Variants in RPRD2 observed in about 807,000 individuals in gnomAD.
RPRD2 encodes regulation of nuclear pre-mRNA domain containing 2, also known as regulation of nuclear pre-mRNA domain-containing protein 2.
Under a neutral mutation model 104.4 loss-of-function variants are expected in RPRD2, and 12 were observed. That is an observed-to-expected ratio of 0.11 (90% CI 0.07 to 0.19). The LOEUF is 0.19. Ranked by LOEUF, RPRD2 falls within the 10% of genes least tolerant of loss-of-function variation. The pLI is 1.00. For synonymous variants in RPRD2, 714 were observed against 684.9 expected (o/e 1.04, Z -0.66); for missense variants, 1,543 against 1,790.1 (o/e 0.86, Z 2.49).
chr1:150,450,781 T>C (rs587617150), intron 7 of RPRD2, among the ~76,000 whole-genome samples: 2 of 151,704 alleles, frequency 1.3e-5, no homozygotes, highest in Non-Finnish European at 2.9e-5. Flanking sequence ...CCACCACTTT[T>C]TGTATTTTTA....
chr1:150,443,391 T>G, intron 5 of RPRD2, 108 bp downstream of exon 5: 1 of 823,626 alleles, frequency 1.2e-6, no homozygotes, highest in Non-Finnish European at 1.9e-6. Context: ...ACACATGTCA[T>G]GTTTTAAACA....
intron 7 of RPRD2, among the ~76,000 whole-genome samples, 178 bp from the exon 8 acceptor site, chr1:150,457,110 G>C (rs1304131607): frequency 6.6e-6 from 1 of 152,012 alleles, no homozygotes; most frequent in Non-Finnish European, 1.5e-5. Flanking sequence ...TGTGGATCCA[G>C]CTACTTGGAA....
chr1:150,469,131 G>A (rs1008109866), intron 10 of RPRD2, among the ~76,000 whole-genome samples: 3 of 152,064 alleles, frequency 2.0e-5, no homozygotes, highest in Admixed American at 1.3e-4. Flanking sequence ...GTTAGAATAT[G>A]GGTTAAAATT....
chr1:150,429,155 C>T (rs192741601), intron 2 of RPRD2, among the ~76,000 whole-genome samples: 4 of 148,786 alleles, frequency 2.7e-5, no homozygotes, highest in East Asian at 3.9e-4. Flanking sequence ...TGCAGTGGTG[C>T]GATCTCAGCT....
rs77936519 is a variant in RPRD2 at position 150,364,812 on chromosome 1, C to T, written c.98C>T (p.Ser33Leu). 6.2e-7 allele frequency: 1 copy of T among 1,613,850 alleles called. No homozygotes were observed. Among genetic ancestry groups the T allele is most frequent in the Non-Finnish European group, 8.5e-7 (1 of 1,179,804 alleles). Reference protein sequence around the residue: ...LESSLDRKFQSVTNTMESIQG... With the variant: ...LESSLDRKFQLVTNTMESIQG... ...TCCTCGTTGGATCGAAAATTCCAGT[C>T]GGTAACCAACACCATGGAGTCCATT... The change falls in exon 1 of 11, where the codon TCG (serine) becomes TTG (leucine). Residue 33 changes from serine to leucine, a missense_variant. Physicochemically the swap from Ser to Leu is moderately radical, Grantham distance 145. Around this residue, in one of 4 missense-constraint regions of RPRD2, gnomAD observed 88 missense variants for 96.6 expected, o/e 0.91. Coordinates refer to ENST00000369068, the MANE Select transcript of RPRD2 (RefSeq NM_015203.5).
intron 1 of RPRD2, among the ~76,000 whole-genome samples, chr1:150,388,840 C>T (rs4364918): frequency 1.3e-5 from 2 of 151,828 alleles, no homozygotes; most frequent in African/African-American, 2.4e-5. Flanking sequence ...CCCCTGACCT[C>T]GTGATCTGCC....
At position 150,471,700 on chromosome 1, in the gene RPRD2, G is replaced by C. The variant is rs766999499; in HGVS notation, c.2752G>C (p.Val918Leu). ...CCCTGGGCTATTTGGTGCCTTCAGCGTAAGAGGGAATGAACCTGGGTCTGA... is the reference window on the plus strand; with the variant it reads ...CCCTGGGCTATTTGGTGCCTTCAGCCTAAGAGGGAATGAACCTGGGTCTGA... ...SSPGLFGAFS[V>L]RGNEPGSDRS... The change falls in exon 11 of 11, where the codon GTA becomes CTA. Residue 918 changes from valine to leucine, a missense_variant. Physicochemically the swap from Val to Leu is conservative, Grantham distance 32. Transcript: ENST00000369068. The surrounding 1 kb of genome is among the most constrained non-coding windows in gnomAD (Gnocchi z 5.3). 6 of 1,613,844 alleles carry C rather than the reference G, an allele frequency of 3.7e-6. No individual in the cohort carries two copies. In the Admixed American group the frequency reaches 1.0e-4, roughly 27 times the overall value.
chr1:150,393,490 AC>A (rs1231932184), intron 1 of RPRD2, among the ~76,000 whole-genome samples: 20 of 152,010 alleles, frequency 1.3e-4, no homozygotes, highest in African/African-American at 4.6e-4. Context: ...AATAAAAAAA[AC>A]ATTGGGTGAA....
At chr1:150,377,301 C>T (rs1310298532) in intron 1 of RPRD2, among the ~76,000 whole-genome samples, 2 of 150,220 alleles carry the variant, frequency 1.3e-5, no homozygotes, top group African/African-American at 4.9e-5. Context: ...TTATAAGGAA[C>T]TTAACATTTA....
chr1:150,462,333 T>C (rs1266397034), intron 9 of RPRD2, among the ~76,000 whole-genome samples: 1 of 151,688 alleles, frequency 6.6e-6, no homozygotes, highest in Non-Finnish European at 1.5e-5. Context: ...TAATCCCAGC[T>C]ACTCATAAGG....
chr1:150,418,747 C>G (rs959118586), intron 2 of RPRD2, among the ~76,000 whole-genome samples: 8 of 152,194 alleles, frequency 5.3e-5, no homozygotes, highest in African/African-American at 1.4e-4. Context: ...CACGGTGGCT[C>G]ACGCCTGTAA....
chr1:150,462,289 G>GA (rs1293452678), intron 9 of RPRD2, among the ~76,000 whole-genome samples: 1 of 150,980 alleles, frequency 6.6e-6, no homozygotes, highest in Non-Finnish European at 1.5e-5. Context: ...CTCAAAAAAA[G>GA]AAAAAATTCG....
chr1:150,390,556 AG>A (rs35274748), intron 1 of RPRD2, among the ~76,000 whole-genome samples: 49,842 of 151,896 alleles, frequency 0.33, 8,898 homozygotes, highest in Non-Finnish European at 0.4. Flanking sequence ...AAATTAATAA[AG>A]GAATCTAAAA....
At chr1:150,399,863 A>G (rs937841290) in intron 1 of RPRD2, among the ~76,000 whole-genome samples, 8 of 151,964 alleles carry the variant, frequency 5.3e-5, no homozygotes, top group East Asian at 1.9e-4. Context: ...TTTCAAAACT[A>G]TGTTGTCTAT....
At chr1:150,421,797 C>T (rs1358578043) in intron 2 of RPRD2, among the ~76,000 whole-genome samples, 6 of 151,770 alleles carry the variant, frequency 4.0e-5, no homozygotes, top group African/African-American at 1.2e-4. Flanking sequence ...GGCAATATAG[C>T]GAGACCCTGT....
intron 7 of RPRD2, among the ~76,000 whole-genome samples, chr1:150,447,246 G>A (rs1056181574): frequency 2.6e-4 from 39 of 149,186 alleles, no homozygotes; most frequent in Non-Finnish European, 5.1e-4. Flanking sequence ...GTGAGCCACC[G>A]TCCCTGGCCT....
intron 2 of RPRD2, among the ~76,000 whole-genome samples, chr1:150,436,555 C>T (rs1285938137): frequency 6.6e-6 from 1 of 151,348 alleles, no homozygotes; most frequent in African/African-American, 2.4e-5. Context: ...GAGCCAAGAT[C>T]GCCACTGCAC....
At chr1:150,411,864 G>A (rs1663958211) in intron 1 of RPRD2, among the ~76,000 whole-genome samples, 1 of 148,642 alleles carries the variant, frequency 6.7e-6, no homozygotes, top group Non-Finnish European at 1.5e-5. Flanking sequence ...GGTGGCTCAC[G>A]CCTGTAATCC....
chr1:150,442,100 T>G, intron 4 of RPRD2, 142 bp downstream of exon 4: 1 of 384,516 alleles, frequency 2.6e-6, no homozygotes, highest in Non-Finnish European at 4.7e-6. Flanking sequence ...TGACCTATGC[T>G]AAACAAGCCA....
Sources: allele counts gnomAD v4.1 joint callset (sites outside exome capture counted in the v4.1 genomes callset), GRCh38; gene constraint gnomAD v4.1.1; regional missense constraint gnomAD v4.1.1; non-coding constraint Gnocchi (gnomAD v3.1); transcripts MANE v1.5; gene names NCBI Gene and HGNC (gene_info 2026-07-23, HGNC 2026-07-21).